ZNF723: variants seen among roughly 807,000 people sequenced by gnomAD.
The protein encoded by ZNF723 is zinc finger protein 723, pseudogene.
Under a neutral mutation model 9.4 loss-of-function variants are expected in ZNF723, and 5 were observed. The observed-to-expected ratio is 0.53, with a 90% CI of 0.28 to 1.12. ZNF723 has a LOEUF of 1.12. Among genes scored for constraint, ZNF723 ranks in the 50% most tolerant of loss-of-function variants. The probability of loss-of-function intolerance (pLI) is 0.10; values close to 1 mark genes in which losing one functional copy is unlikely to be tolerated. For synonymous variants in ZNF723, 158 were observed against 168.8 expected (o/e 0.94, Z 0.49); for missense variants, 450 against 501.5 (o/e 0.90, Z 0.98).
At chr19:22,813,926 C>T in the ZNF723 span, among the ~76,000 whole-genome samples, 1 of 151,872 alleles carries the variant, frequency 6.6e-6, no homozygotes, top group South Asian at 2.1e-4. Context: ...ATTCTCCTAC[C>T]TCAGCCACCC....
intron 3 of ZNF723, among the ~76,000 whole-genome samples, chr19:22,855,579 A>G (rs1005196807): frequency 2.6e-5 from 4 of 152,170 alleles, no homozygotes; most frequent in African/African-American, 9.6e-5. Flanking sequence ...TGCTTTCAGT[A>G]TCTTTTATGT....
chr19:22,853,353 G>A (rs1463472016), intron 3 of ZNF723, among the ~76,000 whole-genome samples: 1 of 151,944 alleles, frequency 6.6e-6, no homozygotes, highest in East Asian at 1.9e-4. Context: ...TTTCAAAAAT[G>A]CAGTTAGAAA....
At chr19:22,841,231 A>C (rs1375901739) in intron 1 of ZNF723, among the ~76,000 whole-genome samples, 1 of 152,248 alleles carries the variant, frequency 6.6e-6, no homozygotes, top group Non-Finnish European at 1.5e-5. Flanking sequence ...ACCTCCTGTT[A>C]TGAAGATGTG....
chr19:22,824,547 G>A, the ZNF723 span, among the ~76,000 whole-genome samples: 29,916 of 152,050 alleles, frequency 0.2, 3,541 homozygotes, highest in African/African-American at 0.33. Context: ...AACAGGTAAA[G>A]TCTTCGTCTG....
chr19:22,822,170 G>A, the ZNF723 span, among the ~76,000 whole-genome samples: 1 of 152,158 alleles, frequency 6.6e-6, no homozygotes, highest in Non-Finnish European at 1.5e-5. Flanking sequence ...TAATAATAGG[G>A]TCTACCACAC....
rs1021906127 is a variant in ZNF723, at chr19:22,832,350, A to G, written c.-30A>G. The stretch of plus-strand genomic sequence containing the variant: ...TACATGCATTGGGAGATCCACAGCT[A>G]AGACGCCAGGACTCCCTGGAAGCCT... On this transcript the variant is annotated 5_prime_UTR_variant, in exon 1 of 4. It removes the in-frame stop codon of an upstream open reading frame in the 5' UTR. Coordinates refer to ENST00000600766, the MANE Select transcript of ZNF723 (RefSeq NM_001349726.2). 3.6e-6 allele frequency: 5 copies of G among 1,381,786 alleles called. No individual in the cohort carries two copies. Among genetic ancestry groups the G allele is most frequent in the Non-Finnish European group, 5.1e-6 (5 of 987,604 alleles). 85.6% of individuals were successfully genotyped at this position (1,381,786 alleles called of 1,614,324 possible).
chr19:22,842,433 T>A (rs1967259863), intron 1 of ZNF723, among the ~76,000 whole-genome samples: 1 of 152,172 alleles, frequency 6.6e-6, no homozygotes. Context: ...ATCCAATCAA[T>A]AATCAATGTC....
At chr19:22,849,080 T>C (rs989776869) in intron 2 of ZNF723, 118 bp from the exon 3 acceptor site, 1 of 388,528 alleles carries the variant, frequency 2.6e-6, no homozygotes, top group Non-Finnish European at 4.6e-6. Context: ...AAGAAATTAC[T>C]GTTATAAATT....
chr19:22,841,329 T>C lies in ZNF723; in HGVS notation c.4-6932T>C, dbSNP rs147744808. 3.1e-4 allele frequency among the ~76,000 whole-genome samples: 47 copies of C among 152,326 alleles called. No homozygotes were observed. The East Asian group carries it at 8.3e-3, about 27-fold the overall frequency. ...AGGTGAATTTAGGATGAACTACATA[T>C]GACATGGTGCTGTAAATTTTTCCAC... On this transcript the variant is annotated intron_variant, in intron 1 of 3. Transcript: ENST00000600766.
At position 22,846,813 on chromosome 19, in the gene ZNF723, C is replaced by CTTTTTTTTT. The variant is rs760924027; in HGVS notation, c.4-1428_4-1420dup. 2.5e-4 allele frequency among the ~76,000 whole-genome samples: 17 copies of CTTTTTTTTT among 69,132 alleles called. 1 individual carries two copies. The highest frequency in any genetic ancestry group is 7.1e-4 in the Admixed American group (4 of 5,622). The allele number at this position is 69,132 out of a possible 152,430, so 45.4% of individuals were successfully genotyped here. On this transcript the variant is annotated intron_variant, in intron 1 of 3. Coordinates refer to ENST00000600766, the MANE Select transcript of ZNF723 (RefSeq NM_001349726.2). The stretch of plus-strand genomic sequence containing the variant: ...ATGGTTGCATTCAGCCTATAATTTC[C>CTTTTTTTTT]TTTTTTTTTTTTTTTTTTTTTTTTT...
the ZNF723 span, among the ~76,000 whole-genome samples, chr19:22,824,166 C>G: frequency 6.6e-6 from 1 of 152,188 alleles, no homozygotes; most frequent in African/African-American, 2.4e-5. Context: ...ATTGCTGAAA[C>G]CAGGATAATG....
intron 1 of ZNF723, among the ~76,000 whole-genome samples, chr19:22,833,650 C>T (rs1967126633): frequency 6.6e-6 from 1 of 151,914 alleles, no homozygotes; most frequent in Non-Finnish European, 1.5e-5. Context: ...CACTCTGTTG[C>T]CCAGGCTGGA....
chr19:22,822,868 GA>G, the ZNF723 span, among the ~76,000 whole-genome samples: 2 of 151,904 alleles, frequency 1.3e-5, no homozygotes, highest in Non-Finnish European at 2.9e-5. Context: ...TCTCAAAAAA[GA>G]AAAAAATTGT....
At chr19:22,849,937 T>G (rs1378803098) in intron 3 of ZNF723, among the ~76,000 whole-genome samples, 1 of 152,120 alleles carries the variant, frequency 6.6e-6, no homozygotes, top group Non-Finnish European at 1.5e-5. Context: ...AACAAAAACC[T>G]ATGTTAAACT....
chr19:22,851,018 T>A (rs898708184), intron 3 of ZNF723, among the ~76,000 whole-genome samples: 3 of 152,086 alleles, frequency 2.0e-5, no homozygotes, highest in African/African-American at 4.8e-5. Context: ...ATAAATATTA[T>A]CTTGTGTATC....
chr19:22,851,126 GTC>G lies in ZNF723; in HGVS notation c.226+1837_226+1838del, dbSNP rs1349002628. Among the ~76,000 whole-genome samples, 4 of 151,834 alleles carry G rather than the reference GTC, an allele frequency of 2.6e-5. No individual in the cohort carries two copies. The South Asian group carries it at 8.3e-4, about 32-fold the overall frequency. ...ATCATTATAATAGAATTCTATATGT[GTC>G]TCTATATTTACATTTAACAGAGAGC... is the stretch of plus-strand genomic sequence containing the variant. On this transcript the variant is annotated intron_variant, in intron 3 of 3. Coordinates refer to ENST00000600766, the MANE Select transcript of ZNF723 (RefSeq NM_001349726.2).
chr19:22,816,722 G>C, the ZNF723 span, among the ~76,000 whole-genome samples: 2 of 152,248 alleles, frequency 1.3e-5, no homozygotes, highest in African/African-American at 4.8e-5. Context: ...TCTGACCATA[G>C]AGAGAATTTT....
At chr19:22,815,323 A>G in the ZNF723 span, among the ~76,000 whole-genome samples, 2 of 151,924 alleles carry the variant, frequency 1.3e-5, no homozygotes, top group Admixed American at 1.3e-4. Flanking sequence ...CATCCTGTCC[A>G]CAGAAAATGT....
At chr19:22,828,527 C>T (rs557134317), upstream of ZNF723, among the ~76,000 whole-genome samples, 23 of 152,154 alleles carry the variant, frequency 1.5e-4, no homozygotes, top group African/African-American at 4.8e-4. Context: ...GTGGCGCGTG[C>T]CTGTAATCCC....
Sources: allele counts gnomAD v4.1 joint callset (sites outside exome capture counted in the v4.1 genomes callset), GRCh38; gene constraint gnomAD v4.1.1; transcripts MANE v1.5; gene names NCBI Gene and HGNC (gene_info 2026-07-23, HGNC 2026-07-21).